The following GBE1 variants were observed in gnomAD, a reference collection of about 807,000 sequenced individuals.
GBE1 encodes the protein 1,4-alpha-glucan-branching enzyme.
In GBE1, 70 loss-of-function variants were observed where a neutral mutation model predicts 88.8. The observed-to-expected ratio is 0.79, with a 90% CI of 0.65 to 0.96. The LOEUF is 0.96. Among genes scored for constraint, GBE1 ranks in the 40% least tolerant of loss-of-function variants. The pLI, the probability that GBE1 is intolerant of heterozygous loss-of-function variation, is 0.00. For synonymous variants in GBE1, 284 were observed against 300.1 expected (o/e 0.95, Z 0.56); for missense variants, 872 against 871.0 (o/e 1.00, Z -0.01).
At chr3:81,711,725 C>T (rs548266270) in intron 1 of GBE1, among the ~76,000 whole-genome samples, 1 of 152,212 alleles carries the variant, frequency 6.6e-6, no homozygotes, top group Non-Finnish European at 1.5e-5. Flanking sequence ...TAGGCAATAC[C>T]ATTCAGGACA....
Position 81,685,755 on chromosome 3 carries a change from T to G in GBE1, c.314-14802A>C, listed in dbSNP as rs60401337. On this transcript the variant is annotated intron_variant, in intron 2 of 15. Transcript: ENST00000429644. ...GATGTTTTCAAACATGCCCTCAAGC[T>G]CTTTAGTCTCAGCATTCAAATAGGA... 5.5e-3 allele frequency among the ~76,000 whole-genome samples: 831 copies of G among 152,284 alleles called. 2 individuals are homozygous for G. Among genetic ancestry groups the G allele is most frequent in the African/African-American group, 0.019 (795 of 41,540 alleles).
At chr3:81,615,195 T>C (rs1307091939) in intron 7 of GBE1, among the ~76,000 whole-genome samples, 2 of 152,202 alleles carry the variant, frequency 1.3e-5, no homozygotes, top group Non-Finnish European at 2.9e-5. Context: ...TTAGAATTTG[T>C]ATGCAAAACC....
At chr3:81,748,237 A>G (rs560347211) in intron 1 of GBE1, among the ~76,000 whole-genome samples, 1 of 152,382 alleles carries the variant, frequency 6.6e-6, no homozygotes, top group East Asian at 1.9e-4. Context: ...ACTTTAAAAG[A>G]TCTTTAAATG....
intron 3 of GBE1, among the ~76,000 whole-genome samples, chr3:81,654,121 A>G (rs1182720089): frequency 6.6e-6 from 1 of 152,162 alleles, no homozygotes; most frequent in African/African-American, 2.4e-5. Context: ...CTTTTTAATG[A>G]GCCAAATTAT....
At chr3:81,506,925 G>A (rs1302889662) in intron 14 of GBE1, among the ~76,000 whole-genome samples, 1 of 152,050 alleles carries the variant, frequency 6.6e-6, no homozygotes, top group African/African-American at 2.4e-5. Context: ...GAGGGTGGAG[G>A]GTGGGAGGAG....
At chr3:81,560,655 T>C (rs1229901223) in intron 12 of GBE1, among the ~76,000 whole-genome samples, 1 of 151,984 alleles carries the variant, frequency 6.6e-6, no homozygotes, top group Non-Finnish European at 1.5e-5. Context: ...TCTCTGAATT[T>C]TGGTTTTGTG....
At chr3:81,742,373 G>A (rs1489337002) in intron 1 of GBE1, among the ~76,000 whole-genome samples, 3 of 151,856 alleles carry the variant, frequency 2.0e-5, no homozygotes, top group Non-Finnish European at 4.4e-5. Context: ...AAGTTCAGGT[G>A]GACAATTAAA....
At chr3:81,717,644 G>A (rs1705957893) in intron 1 of GBE1, among the ~76,000 whole-genome samples, 1 of 152,154 alleles carries the variant, frequency 6.6e-6, no homozygotes, top group Admixed American at 6.6e-5. Context: ...TACTAGCAAT[G>A]TGACCTTTGG....
chr3:81,688,998 T>C (rs1332974965), intron 2 of GBE1, among the ~76,000 whole-genome samples: 1 of 152,128 alleles, frequency 6.6e-6, no homozygotes, highest in East Asian at 1.9e-4. Context: ...AAATGCCAAA[T>C]TATCTATGCC....
At chr3:81,692,660 T>A (rs907864641) in intron 2 of GBE1, among the ~76,000 whole-genome samples, 3 of 152,216 alleles carry the variant, frequency 2.0e-5, no homozygotes, top group Admixed American at 2.0e-4. Context: ...TTGTAATAAT[T>A]CAATTAAAAT....
chr3:81,597,149 C>A (rs1453413630), intron 7 of GBE1, among the ~76,000 whole-genome samples: 1 of 151,650 alleles, frequency 6.6e-6, no homozygotes. Flanking sequence ...GTAAAAAGTA[C>A]AATAAAAAAG....
At chr3:81,622,816 A>T (rs1338340867) in intron 7 of GBE1, among the ~76,000 whole-genome samples, 1 of 152,116 alleles carries the variant, frequency 6.6e-6, no homozygotes, top group Admixed American at 6.5e-5. Context: ...CCTCATATAC[A>T]ACCAATCACT....
chr3:81,759,745 A>C (rs918095186), intron 1 of GBE1, among the ~76,000 whole-genome samples: 2 of 152,218 alleles, frequency 1.3e-5, no homozygotes, highest in African/African-American at 4.8e-5. Context: ...AGTTTTGGCA[A>C]ACCATGAAAG....
intron 2 of GBE1, among the ~76,000 whole-genome samples, chr3:81,691,073 A>C (rs1169769511): frequency 1.3e-5 from 2 of 152,160 alleles, no homozygotes; most frequent in South Asian, 2.1e-4. Flanking sequence ...GTAAAACAAA[A>C]TAAAGTCCAG....
chr3:81,503,142 T>C (rs1702611492), intron 14 of GBE1, among the ~76,000 whole-genome samples: 1 of 152,174 alleles, frequency 6.6e-6, no homozygotes, highest in Non-Finnish European at 1.5e-5. Context: ...CCCCCATTCA[T>C]TTACTAAGTA....
At chr3:81,698,101 T>C (rs562043751) in intron 2 of GBE1, among the ~76,000 whole-genome samples, 1 of 149,454 alleles carries the variant, frequency 6.7e-6, no homozygotes, top group African/African-American at 2.4e-5. Flanking sequence ...CACGACAAGG[T>C]CTCTAACAGC....
chr3:81,592,696 T>G (rs1703895707), intron 8 of GBE1, among the ~76,000 whole-genome samples: 1 of 152,094 alleles, frequency 6.6e-6, no homozygotes, highest in African/African-American at 2.4e-5. Flanking sequence ...CCATAAACTT[T>G]GGTTCATTTC....
At chr3:81,738,454 G>A (rs968104200) in intron 1 of GBE1, among the ~76,000 whole-genome samples, 1 of 151,830 alleles carries the variant, frequency 6.6e-6, no homozygotes, top group South Asian at 2.1e-4. Flanking sequence ...TCTAACAGGC[G>A]TGAGATGGTA....
chr3:81,739,229 ATAGT>A (rs1022184890), intron 1 of GBE1, among the ~76,000 whole-genome samples: 18 of 152,132 alleles, frequency 1.2e-4, no homozygotes, highest in African/African-American at 4.3e-4. Context: ...CACATAGCAA[ATAGT>A]TAGGGAGCTA....
Sources: allele counts gnomAD v4.1 joint callset (sites outside exome capture counted in the v4.1 genomes callset), GRCh38; gene constraint gnomAD v4.1.1; transcripts MANE v1.5; gene names NCBI Gene and HGNC (gene_info 2026-07-23, HGNC 2026-07-21).